The following PCDHGA10 variants were observed in gnomAD, a reference collection of about 807,000 sequenced individuals.
The protein encoded by PCDHGA10 is protocadherin gamma-A10.
In PCDHGA10, 42 loss-of-function variants were observed where a neutral mutation model predicts 59.5. That is an observed-to-expected ratio of 0.71 (90% confidence interval 0.55 to 0.91). The LOEUF is 0.91. Among genes scored for constraint, PCDHGA10 ranks in the 40% least tolerant of loss-of-function variants. The pLI is 0.00. For synonymous variants in PCDHGA10, 511 were observed against 517.2 expected (o/e 0.99, Z 0.16); for missense variants, 1,111 against 1,198.2 (o/e 0.93, Z 1.07).
rs1393235114 is a variant in PCDHGA10, at chr5:141,476,581, G to T, written c.2437-18226G>T. ...CCGTGGCTCCGGGGACGCGCTTTCC[G>T]CTCGAGAGCGCGCACGATCCCGATG... On this transcript the variant is annotated intron_variant, in intron 1 of 3. Transcript: ENST00000398610. This position sits in a 1 kb window ranked among gnomAD's most constrained non-coding sequence, Gnocchi z 7.6. 8.7e-6 allele frequency: 14 copies of T among 1,614,112 alleles called. No homozygotes were observed. The Admixed American group carries it at 2.2e-4, about 25-fold the overall frequency.
rs1182148013 is a variant in PCDHGA10 at position 141,431,510 on chromosome 5, G to A, written c.2436+15899G>A. 2 of 1,613,904 alleles carry A rather than the reference G, an allele frequency of 1.2e-6. No individual in the cohort carries two copies. Among genetic ancestry groups the A allele is most frequent in the Admixed American group, 1.7e-5 (1 of 60,016 alleles). Reference sequence around the variant, plus strand: ...TGCTCAGCCCGAGTACCGCGCGAGCGTTCCGGAGAATCTGGCCTTGGGCAC... The same window carrying A: ...TGCTCAGCCCGAGTACCGCGCGAGCATTCCGGAGAATCTGGCCTTGGGCAC... On this transcript the variant is annotated intron_variant, in intron 1 of 3. Coordinates refer to ENST00000398610, the MANE Select transcript of PCDHGA10 (RefSeq NM_018913.3). The surrounding 1 kb of genome is among the most constrained non-coding windows in gnomAD (Gnocchi z 4.8).
Position 141,503,999 on chromosome 5 carries a change from C to T in PCDHGA10, c.2496-1394C>T, listed in dbSNP as rs569153055. On this transcript the variant is annotated intron_variant, in intron 2 of 3. Coordinates refer to ENST00000398610, the MANE Select transcript of PCDHGA10 (RefSeq NM_018913.3). Reference sequence around the variant, plus strand: ...AACCCTTCTTCTTACCTTACAGTCACTTAACTGTCTCTGCTGGTCTCTTCC... The same window carrying T: ...AACCCTTCTTCTTACCTTACAGTCATTTAACTGTCTCTGCTGGTCTCTTCC... 2.0e-5 allele frequency among the ~76,000 whole-genome samples: 3 copies of T among 152,286 alleles called. No individual in the cohort carries two copies. The South Asian group carries it at 6.2e-4, about 32-fold the overall frequency.
chr5:141,481,261 C>T lies in PCDHGA10; in HGVS notation c.2437-13546C>T, dbSNP rs2099534823. ...TACATAGCATAGCTCTAAAAGATCA[C>T]TGTAGGAAGACATAAAATGGTATTT... On this transcript the variant is annotated intron_variant, in intron 1 of 3. Coordinates refer to ENST00000398610, the MANE Select transcript of PCDHGA10 (RefSeq NM_018913.3). Among the ~76,000 whole-genome samples, 3 of 152,252 alleles carry T rather than the reference C, an allele frequency of 2.0e-5. No individual in the cohort carries two copies. The East Asian group carries it at 5.8e-4, about 29-fold the overall frequency.
At chr5:141,457,107 A>G (rs2098908740) in intron 1 of PCDHGA10, among the ~76,000 whole-genome samples, 1 of 152,260 alleles carries the variant, frequency 6.6e-6, no homozygotes, top group African/African-American at 2.4e-5. Flanking sequence ...ATTAAGCAAA[A>G]TACGACAGCA....
At chr5:141,435,050 C>A (rs2154556494) in intron 1 of PCDHGA10, among the ~76,000 whole-genome samples, 1 of 151,994 alleles carries the variant, frequency 6.6e-6, no homozygotes, top group East Asian at 1.9e-4. Flanking sequence ...TCCCATTGAC[C>A]ATGCAGCAGT....
chr5:141,481,065 AAAAG>A (rs1476331686), intron 1 of PCDHGA10, among the ~76,000 whole-genome samples: 1 of 152,164 alleles, frequency 6.6e-6, no homozygotes, highest in Non-Finnish European at 1.5e-5. Flanking sequence ...CTCAAAAACA[AAAAG>A]AAAGAAAGAA....
chr5:141,478,210 A>G, intron 1 of PCDHGA10: 1 of 1,614,064 alleles, frequency 6.2e-7, no homozygotes, highest in East Asian at 2.2e-5. Flanking sequence ...TTCTTTCTCT[A>G]ATCCTGGTTT....
At chr5:141,461,281 C>T (rs1305044383) in intron 1 of PCDHGA10, among the ~76,000 whole-genome samples, 1 of 152,050 alleles carries the variant, frequency 6.6e-6, no homozygotes, top group Non-Finnish European at 1.5e-5. Flanking sequence ...CTCTTTTCCC[C>T]ACATCCACAC....
rs145569377 is a variant in PCDHGA10 at position 141,455,860 on chromosome 5, ATTATTTATTTATTTATTTATTTATTTAT to A, written c.2437-38920_2437-38893del. Among the ~76,000 whole-genome samples the A allele has an allele frequency of 5.0e-5, 7 of 139,848 alleles. No individual in the cohort carries two copies. The South Asian group carries it at 9.2e-4, about 18-fold the overall frequency. 91.7% of individuals were successfully genotyped at this position (139,848 alleles called of 152,430 possible). On this transcript the variant is annotated intron_variant, in intron 1 of 3. Transcript: ENST00000398610. ...CTATCTGCATAAAATAATTTCTTTT[ATTATTTATTTATTTATTTATTTATTTAT>A]TTATTTATTTATTTATTTATTTATT...
rs2099694486 is a variant in PCDHGA10 at position 141,489,987 on chromosome 5, G to A, written c.2437-4820G>A. The A allele has an allele frequency of 1.2e-6, 2 of 1,614,106 alleles. No homozygotes were observed. The highest frequency in any genetic ancestry group is 1.3e-5 in the African/African-American group (1 of 74,932). The stretch of plus-strand genomic sequence containing the variant: ...CCTTCCAATCCTCAGTTCTACGTGT[G>A]GGAATCCCAGAGAATGCACCCATTG... On this transcript the variant is annotated intron_variant, in intron 1 of 3. Coordinates refer to ENST00000398610, the MANE Select transcript of PCDHGA10 (RefSeq NM_018913.3). The surrounding 1 kb of genome is among the most constrained non-coding windows in gnomAD (Gnocchi z 4.5).
chr5:141,430,399 T>G (rs2097282187), intron 1 of PCDHGA10, among the ~76,000 whole-genome samples: 1 of 150,106 alleles, frequency 6.7e-6, no homozygotes, highest in Admixed American at 6.6e-5. Flanking sequence ...AAAAAAAAGC[T>G]CACTAAAGTT....
Position 141,485,342 on chromosome 5 carries a change from G to C in PCDHGA10, c.2437-9465G>C. 1.2e-6 allele frequency: 2 copies of C among 1,614,164 alleles called. No individual in the cohort carries two copies. Among genetic ancestry groups the C allele is most frequent in the Non-Finnish European group, 1.7e-6 (2 of 1,180,026 alleles). On this transcript the variant is annotated intron_variant, in intron 1 of 3. Coordinates refer to ENST00000398610, the MANE Select transcript of PCDHGA10 (RefSeq NM_018913.3). The surrounding 1 kb of genome is among the most constrained non-coding windows in gnomAD (Gnocchi z 5.7). The stretch of plus-strand genomic sequence containing the variant: ...CGCTCAAGATTTCCTGCTGGATACG[G>C]ACAGTCTGTCAGCTCGCAGGCTGCA...
At chr5:141,472,980 C>CAAAAAAAAAAAAAAAAAAAAAA (rs60579131) in intron 1 of PCDHGA10, among the ~76,000 whole-genome samples, 6 of 86,102 alleles carry the variant, frequency 7.0e-5, no homozygotes, top group African/African-American at 1.2e-4. Flanking sequence ...GAGTGAAACT[C>CAAAAAAAAAAAAAAAAAAAAAA]AAAAAAAAAA....
rs765887978 is a variant in PCDHGA10 at position 141,486,476 on chromosome 5, C to T, written c.2437-8331C>T. The T allele has an allele frequency of 8.7e-6, 14 of 1,613,934 alleles. No homozygotes were observed. The highest frequency in any genetic ancestry group is 1.7e-5 in the Admixed American group (1 of 60,016). ...TGCTTCTGATGCTGGGAACCCTCCT[C>T]TCAGTACCCACAGAACTATTTTCCT... On this transcript the variant is annotated intron_variant, in intron 1 of 3. Transcript: ENST00000398610. This position sits in a 1 kb window ranked among gnomAD's most constrained non-coding sequence, Gnocchi z 5.0.
At chr5:141,443,683 A>C (rs1358937790) in intron 1 of PCDHGA10, among the ~76,000 whole-genome samples, 1 of 152,248 alleles carries the variant, frequency 6.6e-6, no homozygotes, top group Admixed American at 6.5e-5. Flanking sequence ...GTTTACAAAC[A>C]CTTCAAAAAT....
At chr5:141,455,842 C>T (rs1224197325) in intron 1 of PCDHGA10, among the ~76,000 whole-genome samples, 1 of 150,876 alleles carries the variant, frequency 6.6e-6, no homozygotes, top group Non-Finnish European at 1.5e-5. Context: ...TGTCTATCTG[C>T]ATAAAATAAT....
rs2099745754 is a variant in PCDHGA10 at position 141,493,023 on chromosome 5, T to A, written c.2437-1784T>A. Among the ~76,000 whole-genome samples the A allele has an allele frequency of 6.6e-6, 1 of 152,190 alleles. No individual in the cohort carries two copies. The highest frequency in any genetic ancestry group is 2.4e-5 in the African/African-American group (1 of 41,450). On this transcript the variant is annotated intron_variant, in intron 1 of 3. Coordinates refer to ENST00000398610, the MANE Select transcript of PCDHGA10 (RefSeq NM_018913.3). The surrounding 1 kb of genome is among the most constrained non-coding windows in gnomAD (Gnocchi z 4.3). ...CTATAGGCTCTGCCAGATGCCAGGGTGCCCTTATGTGTGAGGAAACTACAA... is the reference window on the plus strand; with the variant it reads ...CTATAGGCTCTGCCAGATGCCAGGGAGCCCTTATGTGTGAGGAAACTACAA...
chr5:141,414,845 T>C lies in PCDHGA10; in HGVS notation c.1670T>C (p.Leu557Pro). 2 of 1,614,218 alleles carry C rather than the reference T, an allele frequency of 1.2e-6. No homozygotes were observed. The highest frequency in any genetic ancestry group is 1.1e-5 in the South Asian group (1 of 91,088). Residue 557 changes from leucine (L) to proline (P), a missense_variant, in exon 1 of 4, where the codon CTG (leucine) becomes CCG (proline). Coordinates refer to ENST00000398610, the MANE Select transcript of PCDHGA10 (RefSeq NM_018913.3). ...AACGTGTCGTTGAGCCTGTTTGTGC[T>C]GGACCAGAACGACAATGCGCCCGAG... ...SSNVSLSLFV[L>P]DQNDNAPEIL...
Position 141,489,322 on chromosome 5 carries a change from T to C in PCDHGA10, c.2437-5485T>C. The C allele has an allele frequency of 6.2e-7, 1 of 1,601,052 alleles. No individual in the cohort carries two copies. Among genetic ancestry groups the C allele is most frequent in the Non-Finnish European group, 8.5e-7 (1 of 1,172,658 alleles). ...GTCCTTGTGCTGCTGGGGCTGGGTGTCTGGGCAGCTTCGTTACTCAGTGGT... is the reference window on the plus strand; with the variant it reads ...GTCCTTGTGCTGCTGGGGCTGGGTGCCTGGGCAGCTTCGTTACTCAGTGGT... On this transcript the variant is annotated intron_variant, in intron 1 of 3. Coordinates refer to ENST00000398610, the MANE Select transcript of PCDHGA10 (RefSeq NM_018913.3). The surrounding 1 kb of genome is among the most constrained non-coding windows in gnomAD (Gnocchi z 4.5).
Sources: allele counts gnomAD v4.1 joint callset (sites outside exome capture counted in the v4.1 genomes callset), GRCh38; gene constraint gnomAD v4.1.1; non-coding constraint Gnocchi (gnomAD v3.1); transcripts MANE v1.5; gene names NCBI Gene and HGNC (gene_info 2026-07-23, HGNC 2026-07-21).